Variants in ASIP observed in about 807,000 individuals in gnomAD.
ASIP encodes the protein agouti signaling protein, also known as agouti-signaling protein.
Under a neutral mutation model 10.3 loss-of-function variants are expected in ASIP, and 11 were observed. The observed-to-expected ratio is 1.07, with a 90% CI of 0.68 to 1.78. ASIP has a LOEUF of 1.78. ASIP is among the 40% of genes most tolerant of loss of function. The probability of loss-of-function intolerance (pLI) is 0.00; values close to 1 mark genes in which losing one functional copy is unlikely to be tolerated. For missense variants in ASIP, 180 were observed against 169.2 expected, an observed-to-expected ratio of 1.06 and a Z score of -0.35; for synonymous variants, 70 against 70.8, an observed-to-expected ratio of 0.99 and a Z score of 0.06.
chr20:34,268,247 A>C (rs34563588), intron 3 of ASIP, among the ~76,000 whole-genome samples: 1,924 of 152,316 alleles, frequency 0.013, 24 homozygotes, highest in Non-Finnish European at 0.021. Flanking sequence ...CCAGGAAAAG[A>C]AGCAGCAAGC....
At chr20:34,204,171 T>G (rs942755455) in intron 1 of ASIP, among the ~76,000 whole-genome samples, 2 of 152,174 alleles carry the variant, frequency 1.3e-5, no homozygotes, top group Non-Finnish European at 2.9e-5. Context: ...TTCACAATCA[T>G]GTAGTATGTG....
chr20:34,262,973 T>A, intron 3 of ASIP, 80 bp downstream of exon 3: 1 of 1,519,706 alleles, frequency 6.6e-7, no homozygotes, highest in Admixed American at 1.8e-5. Flanking sequence ...AACCTCTGGC[T>A]AGGAACTAAA....
chr20:34,201,060 C>CTTTCTTTCTTTCTTTCTTTCTTTCT (rs1568744601), intron 1 of ASIP, among the ~76,000 whole-genome samples: 2 of 94,042 alleles, frequency 2.1e-5, no homozygotes, highest in Non-Finnish European at 4.7e-5. Context: ...TTCTTTCTTT[C>CTTTCTTTCTTTCTTTCTTTCTTTCT]TTTTTTTTCC....
intron 1 of ASIP, among the ~76,000 whole-genome samples, chr20:34,248,078 C>A (rs185397600): frequency 6.6e-6 from 1 of 151,992 alleles, no homozygotes; most frequent in Non-Finnish European, 1.5e-5. Flanking sequence ...TGGTGATGGG[C>A]GCCTGTAATC....
chr20:34,237,589 T>C (rs2035227286), upstream of ASIP, among the ~76,000 whole-genome samples: 1 of 152,268 alleles, frequency 6.6e-6, no homozygotes, highest in African/African-American at 2.4e-5. Flanking sequence ...GATCATATTA[T>C]CTGTGAACAG....
intron 1 of ASIP, among the ~76,000 whole-genome samples, chr20:34,198,253 C>T (rs982146478): frequency 6.6e-6 from 1 of 151,934 alleles, no homozygotes; most frequent in Non-Finnish European, 1.5e-5. Flanking sequence ...CCACACCCAG[C>T]TAATTTTTGT....
chr20:34,232,843 C>T (rs2035131042), intron 1 of ASIP, among the ~76,000 whole-genome samples: 1 of 152,152 alleles, frequency 6.6e-6, no homozygotes, highest in Non-Finnish European at 1.5e-5. Flanking sequence ...TTTGACAAAC[C>T]CAGCAGCAGA....
Position 34,269,167 on chromosome 20 carries a change from A to G in ASIP, c.399A>G (p.Ter133TrpextTer22). ...GCCGCGTGCTCAGCCTCAACTGCTG[A>G]GCGCCCCCACTCCCGGCCGCGAGCA... is the stretch of plus-strand genomic sequence containing the variant. ...CSCRVLSLNC* is the reference protein window; with the variant it reads ...CSCRVLSLNCW The change falls in exon 4 of 4, where the codon TGA becomes TGG. Residue 133 changes from the stop codon to tryptophan, a stop_lost. Transcript: ENST00000374954. 2 of 1,522,700 alleles carry G rather than the reference A, an allele frequency of 1.3e-6. No homozygotes were observed. The highest frequency in any genetic ancestry group is 1.4e-5 in the African/African-American group (1 of 70,632). The allele number at this position is 1,522,700 out of a possible 1,614,324, so 94.3% of individuals were successfully genotyped here.
At chr20:34,197,190 T>C (rs2034863758) in intron 1 of ASIP, among the ~76,000 whole-genome samples, 1 of 151,958 alleles carries the variant, frequency 6.6e-6, no homozygotes, top group Non-Finnish European at 1.5e-5. Flanking sequence ...CTGGCCAACA[T>C]GGTGAAACCC....
At chr20:34,240,239 T>C (rs1402490396), upstream of ASIP, among the ~76,000 whole-genome samples, 4 of 152,196 alleles carry the variant, frequency 2.6e-5, no homozygotes, top group Non-Finnish European at 5.9e-5. Context: ...AAAGTCATGT[T>C]TCAGCAGCTA....
chr20:34,198,056 ATTTTT>A (rs35269112), intron 1 of ASIP, among the ~76,000 whole-genome samples: 2 of 132,356 alleles, frequency 1.5e-5, no homozygotes, highest in South Asian at 2.4e-4. Flanking sequence ...TGATTGCTTA[ATTTTT>A]TTTTTTTTTT....
chr20:34,242,188 A>T (rs2035294417), intron 1 of ASIP, among the ~76,000 whole-genome samples: 1 of 151,492 alleles, frequency 6.6e-6, no homozygotes, highest in Non-Finnish European at 1.5e-5. Context: ...TTTCCTTTTT[A>T]AAATTTTTAT....
At chr20:34,250,362 A>C (rs1201554482) in intron 1 of ASIP, among the ~76,000 whole-genome samples, 3 of 152,182 alleles carry the variant, frequency 2.0e-5, no homozygotes, top group African/African-American at 7.2e-5. Flanking sequence ...ATACTAAAAC[A>C]ATGCTAAAAT....
At chr20:34,215,415 C>T in intron 1 of ASIP, 1 of 1,537,782 alleles carries the variant, frequency 6.5e-7, no homozygotes, top group Non-Finnish European at 9.0e-7. Context: ...CTGATGTATG[C>T]ACCACATCAC....
chr20:34,201,386 C>T (rs773453508), intron 1 of ASIP, among the ~76,000 whole-genome samples: 2 of 152,090 alleles, frequency 1.3e-5, no homozygotes, highest in Non-Finnish European at 2.9e-5. Context: ...CAGTGGAAAT[C>T]GAGAATTGAT....
intron 1 of ASIP, among the ~76,000 whole-genome samples, chr20:34,199,634 AT>A (rs1455153293): frequency 3.3e-5 from 5 of 152,106 alleles, no homozygotes; most frequent in Non-Finnish European, 5.9e-5. Flanking sequence ...ATCTGTTCAG[AT>A]TTTGAACCCA....
chr20:34,195,130 G>GAAAA (rs547366092), intron 1 of ASIP, among the ~76,000 whole-genome samples: 3 of 135,536 alleles, frequency 2.2e-5, no homozygotes, highest in African/African-American at 7.9e-5. Flanking sequence ...GAAGGTACCA[G>GAAAA]AAAAAAAAAA....
At chr20:34,234,659 G>A (rs544163571) in intron 1 of ASIP, among the ~76,000 whole-genome samples, 6 of 151,958 alleles carry the variant, frequency 3.9e-5, no homozygotes, top group South Asian at 2.1e-4. Flanking sequence ...AAAATTCGCC[G>A]GGCGTGGTGG....
chr20:34,223,439 C>T (rs1300425003), intron 1 of ASIP, among the ~76,000 whole-genome samples: 1 of 151,980 alleles, frequency 6.6e-6, no homozygotes, highest in Non-Finnish European at 1.5e-5. Flanking sequence ...CGGCAGCCAC[C>T]CCATCTGGGA....
Sources: gnomAD v4.1 joint callset for allele counts (sites outside exome capture counted in the v4.1 genomes callset) on GRCh38, gnomAD v4.1.1 for gene constraint, MANE v1.5 for transcripts, NCBI Gene and HGNC (gene_info 2026-07-23, HGNC 2026-07-21) for gene names.